The following WNK3 variants were observed in gnomAD, a reference collection of about 807,000 sequenced individuals.
The protein encoded by WNK3 is WNK lysine deficient protein kinase 3, also known as serine/threonine-protein kinase WNK3.
In WNK3, 18 loss-of-function variants were observed where a neutral mutation model predicts 116.7. That is an observed-to-expected ratio of 0.15 (90% CI 0.11 to 0.23). The LOEUF (loss-of-function observed/expected upper bound fraction) is 0.23. Ranked by LOEUF, WNK3 falls within the 10% of genes least tolerant of loss-of-function variation. WNK3 has a pLI of 1.00. For missense variants in WNK3, 993 were observed against 1,323.8 expected, an observed-to-expected ratio of 0.75 and a Z score of 3.88; for synonymous variants, 404 against 469.4, an observed-to-expected ratio of 0.86 and a Z score of 1.80.
chrX:54,293,448 CAAATA>C (rs782414314), intron 8 of WNK3, 121 bp from the exon 9 acceptor site: 8 of 461,019 alleles, frequency 1.7e-5, no homozygotes, highest in Non-Finnish European at 2.7e-5. Flanking sequence ...GACATAGCTT[CAAATA>C]AAATATTTAC....
intron 10 of WNK3, among the ~76,000 whole-genome samples, chrX:54,265,438 G>A (rs1557157429): frequency 9.0e-6 from 1 of 111,211 alleles, no homozygotes; most frequent in African/African-American, 3.3e-5. Context: ...AGTGAGCCGA[G>A]ATTGCGCAAC....
intron 20 of WNK3, among the ~76,000 whole-genome samples, chrX:54,233,645 G>A (rs782281437): frequency 1.6e-3 from 180 of 110,052 alleles, no homozygotes; most frequent in Non-Finnish European, 2.4e-3. Context: ...GTGAAAGTCA[G>A]TAAAACAAAA....
At chrX:54,301,170 G>A (rs979113983) in intron 6 of WNK3, among the ~76,000 whole-genome samples, 21 of 105,374 alleles carry the variant, frequency 2.0e-4, no homozygotes, top group Admixed American at 1.9e-3. Context: ...TGGAACCCGG[G>A]AGGCAGAGGT....
chrX:54,312,144 C>T (rs1190084283), intron 2 of WNK3, among the ~76,000 whole-genome samples: 2 of 109,321 alleles, frequency 1.8e-5, no homozygotes, highest in African/African-American at 6.7e-5. Flanking sequence ...TAGTGAGACC[C>T]CCGTCTCTAC....
At chrX:54,215,617 T>A (rs1286351984) in intron 22 of WNK3, among the ~76,000 whole-genome samples, 1 of 111,709 alleles carries the variant, frequency 9.0e-6, no homozygotes, top group Non-Finnish European at 1.9e-5. Context: ...CCACCCCGTC[T>A]AGGAAGTGAG....
At chrX:54,239,505 T>C (rs2068000998) in intron 17 of WNK3, among the ~76,000 whole-genome samples, 1 of 111,177 alleles carries the variant, frequency 9.0e-6, no homozygotes, top group South Asian at 3.8e-4. Context: ...GCTATTATCA[T>C]GGAAATTTTC....
chrX:54,328,282 A>G (rs1214468445), intron 2 of WNK3, among the ~76,000 whole-genome samples: 12 of 111,240 alleles, frequency 1.1e-4, no homozygotes, highest in Admixed American at 9.7e-4. Context: ...AGAATGAGAA[A>G]TTGTACATTA....
intron 10 of WNK3, among the ~76,000 whole-genome samples, chrX:54,280,830 AC>A (rs1322213541): frequency 9.0e-6 from 1 of 111,330 alleles, no homozygotes; most frequent in Non-Finnish European, 1.9e-5. Flanking sequence ...ACCATTGGGT[AC>A]TATGCTCCAT....
intron 22 of WNK3, among the ~76,000 whole-genome samples, chrX:54,214,258 C>T (rs900793089): frequency 2.3e-4 from 26 of 111,665 alleles, no homozygotes; most frequent in Middle Eastern, 4.7e-3. Context: ...GCTTGGATTA[C>T]AGCCGTGAGC....
chrX:54,305,785 G>A (rs1355724415), intron 5 of WNK3, among the ~76,000 whole-genome samples: 2 of 110,829 alleles, frequency 1.8e-5, no homozygotes, highest in East Asian at 5.6e-4. Flanking sequence ...GCCGGGCGCA[G>A]TGGCTCACGC....
At chrX:54,268,253 G>A (rs1182121218) in intron 10 of WNK3, among the ~76,000 whole-genome samples, 6 of 111,198 alleles carry the variant, frequency 5.4e-5, no homozygotes, top group Non-Finnish European at 9.4e-5. Flanking sequence ...AGGCTGAGGC[G>A]AGGGGATCGC....
At chrX:54,231,675 C>T (rs1603377609) in intron 21 of WNK3, among the ~76,000 whole-genome samples, 2 of 112,018 alleles carry the variant, frequency 1.8e-5, no homozygotes, top group South Asian at 7.4e-4. Flanking sequence ...GGATAATCTC[C>T]CTATCTTAGA....
At chrX:54,249,094 G>A in exon 17 of WNK3, 2 of 1,211,902 alleles carry the variant, frequency 1.7e-6, no homozygotes. Context: ...TTGAAGGGTA[G>A]TTGGTTCAAG....
chrX:54,326,138 T>C (rs985523171), intron 2 of WNK3, among the ~76,000 whole-genome samples: 3 of 107,504 alleles, frequency 2.8e-5, no homozygotes, highest in Non-Finnish European at 5.8e-5. Flanking sequence ...TTGCCCAGGC[T>C]GGAGTGCAGT....
chrX:54,321,348 G>GT (rs2069031588), intron 2 of WNK3, among the ~76,000 whole-genome samples: 1 of 111,484 alleles, frequency 9.0e-6, no homozygotes, highest in Non-Finnish European at 1.9e-5. Context: ...CTTACCCAAG[G>GT]TACCTAACTG....
chrX:54,307,104 G>C (rs1239545516), intron 5 of WNK3, among the ~76,000 whole-genome samples: 1 of 108,116 alleles, frequency 9.2e-6, no homozygotes, highest in Non-Finnish European at 1.9e-5. Flanking sequence ...GTGCACACCT[G>C]TAGTCCCAGC....
chrX:54,297,706 ATTC>A (rs1463578352), intron 7 of WNK3, among the ~76,000 whole-genome samples: 1 of 111,747 alleles, frequency 8.9e-6, no homozygotes, highest in Non-Finnish European at 1.9e-5. Flanking sequence ...GAGCTTTATT[ATTC>A]TTTATACTCT....
At chrX:54,213,156 T>A (rs2067635800) in intron 22 of WNK3, among the ~76,000 whole-genome samples, 1 of 110,082 alleles carries the variant, frequency 9.1e-6, no homozygotes, top group African/African-American at 3.3e-5. Flanking sequence ...AATTTTTTTT[T>A]TAAATTTTTT....
exon 17 of WNK3, chrX:54,248,759 T>C (rs2068097650): frequency 2.5e-6 from 3 of 1,210,359 alleles, no homozygotes; most frequent in African/African-American, 1.7e-5. Flanking sequence ...AACACTGATA[T>C]ATTAGCAGGC....
Sources: allele counts gnomAD v4.1 joint callset (sites outside exome capture counted in the v4.1 genomes callset), GRCh38; gene constraint gnomAD v4.1.1; transcripts MANE v1.5; gene names NCBI Gene and HGNC (gene_info 2026-07-23, HGNC 2026-07-21).